Variants in LCOR observed in about 807,000 individuals in gnomAD.
LCOR encodes the protein ligand dependent nuclear receptor corepressor, also known as ligand-dependent corepressor.
Under a neutral mutation model 64.4 loss-of-function variants are expected in LCOR, and 14 were observed. The observed-to-expected ratio is 0.22, with a 90% CI of 0.14 to 0.34. The LOEUF (loss-of-function observed/expected upper bound fraction) is 0.34, where lower values mean the gene tolerates loss of function less well. LCOR is among the 10% of genes least tolerant of loss of function. LCOR has a pLI of 1.00. For synonymous variants in LCOR, 643 were observed against 642.5 expected (o/e 1.00, Z -0.01); for missense variants, 1,686 against 1,765.3 (o/e 0.96, Z 0.80).
At position 96,920,434 on chromosome 10, in the gene LCOR, G is replaced by GTATATATATGTATATATATTCA; in HGVS notation, c.-184+12694_-184+12695insATGTATATATATTCATATATAT. 2.4e-5 allele frequency among the ~76,000 whole-genome samples: 3 copies of GTATATATATGTATATATATTCA among 124,012 alleles called. 1 individual carries two copies. Among genetic ancestry groups the GTATATATATGTATATATATTCA allele is most frequent in the East Asian group, 2.2e-4 (1 of 4,620 alleles). 81.4% of individuals were successfully genotyped at this position (124,012 alleles called of 152,430 possible). On this transcript the variant is annotated intron_variant, in intron 4 of 7. Coordinates refer to ENST00000421806, the MANE Select transcript of LCOR (RefSeq NM_001346516.2). ...TATGTATATATATTCATATATATGT[G>GTATATATATGTATATATATTCA]TATATATGTGTATATATATGTATAT... is the stretch of plus-strand genomic sequence containing the variant.
At chr10:96,956,415 G>A in intron 7 of LCOR, 1 of 985,172 alleles carries the variant, frequency 1.0e-6, no homozygotes, top group Non-Finnish European at 1.2e-6. Flanking sequence ...ACTAATCGAA[G>A]GATTAAACTA....
chr10:96,967,899 G>C (rs1379781580), intron 7 of LCOR, among the ~76,000 whole-genome samples: 2 of 152,058 alleles, frequency 1.3e-5, no homozygotes, highest in Non-Finnish European at 2.9e-5. Flanking sequence ...TAAGGGTCTT[G>C]GGAATCATCA....
intron 2 of LCOR, among the ~76,000 whole-genome samples, chr10:96,845,449 C>CTTTTTT (rs762639752): frequency 6.2e-5 from 3 of 48,686 alleles, no homozygotes; most frequent in Non-Finnish European, 1.1e-4. Flanking sequence ...TGGGCTTATC[C>CTTTTTT]TTTTTTTTTT....
At chr10:96,870,172 G>A (rs1388578277) in intron 2 of LCOR, among the ~76,000 whole-genome samples, 7 of 151,370 alleles carry the variant, frequency 4.6e-5, no homozygotes, top group African/African-American at 1.5e-4. Context: ...ACAGGCGCCC[G>A]CCACCACGCC....
chr10:96,837,269 C>T (rs145954122), intron 2 of LCOR, among the ~76,000 whole-genome samples: 18 of 152,092 alleles, frequency 1.2e-4, no homozygotes, highest in East Asian at 7.8e-4. Flanking sequence ...GGATTACAGG[C>T]ATGAGCCACT....
At chr10:96,922,656 G>C (rs1847100158) in intron 4 of LCOR, among the ~76,000 whole-genome samples, 4 of 152,160 alleles carry the variant, frequency 2.6e-5, no homozygotes, top group Admixed American at 2.6e-4. Flanking sequence ...ATAAAGAAAT[G>C]CTTGCTATTG....
At chr10:96,900,537 AAAG>A (rs960319055) in intron 2 of LCOR, among the ~76,000 whole-genome samples, 1 of 152,108 alleles carries the variant, frequency 6.6e-6, no homozygotes, top group African/African-American at 2.4e-5. Flanking sequence ...AAAAACTAAA[AAAG>A]AAACTGATAG....
At position 96,941,133 on chromosome 10, in the gene LCOR, C is replaced by T. The variant is rs1222819362; in HGVS notation, c.-183-2980C>T. The stretch of plus-strand genomic sequence containing the variant: ...GGGGCTCCTCACTTCCCAGTAGGGG[C>T]GGCCGGGCAGAGGCGCCCCTCACCT... On this transcript the variant is annotated intron_variant, in intron 4 of 7. Coordinates refer to ENST00000421806, the MANE Select transcript of LCOR (RefSeq NM_001346516.2). 3.5e-3 allele frequency among the ~76,000 whole-genome samples: 467 copies of T among 132,012 alleles called. 2 individuals carry two copies. Among genetic ancestry groups the T allele is most frequent in the East Asian group, 0.018 (78 of 4,276 alleles). 86.6% of individuals were successfully genotyped at this position (132,012 alleles called of 152,430 possible). A position where few individuals can be genotyped will look rare whatever the true frequency, so the allele number is the denominator to read the frequency against.
At position 96,859,258 on chromosome 10, in the gene LCOR, G is replaced by T. The variant is rs187716681; in HGVS notation, c.-330+25779G>T. Among the ~76,000 whole-genome samples, 963 of 152,280 alleles carry T rather than the reference G, an allele frequency of 6.3e-3. 7 individuals carry two copies. Among genetic ancestry groups the T allele is most frequent in the Middle Eastern group, 0.017 (5 of 294 alleles). ...GGTCAGTGGCATCTGTTGCCCGGCTGGAGTGCAATGGCACAATCTCGGCTC... is the reference window on the plus strand; with the variant it reads ...GGTCAGTGGCATCTGTTGCCCGGCTTGAGTGCAATGGCACAATCTCGGCTC... On this transcript the variant is annotated intron_variant, in intron 2 of 7. Transcript: ENST00000421806.
chr10:96,965,072 G>A (rs1415426829), intron 7 of LCOR, among the ~76,000 whole-genome samples: 1 of 151,510 alleles, frequency 6.6e-6, no homozygotes. Context: ...GCAGTGGCAC[G>A]ATCTCGGCTC....
At chr10:96,949,404 C>A in intron 6 of LCOR, 109 bp downstream of exon 6, 2 of 971,210 alleles carry the variant, frequency 2.1e-6, no homozygotes, top group Non-Finnish European at 3.1e-6. Context: ...AGCATAAAAA[C>A]TAATGTGATT....
At chr10:96,907,186 CT>C (rs36105185) in intron 2 of LCOR, 78 bp from the exon 3 acceptor site, 55,554 of 378,506 alleles carry the variant, frequency 0.15, 3,068 homozygotes, top group African/African-American at 0.28. Flanking sequence ...AAAACACCAT[CT>C]TTTTTTTTTT....
chr10:96,960,037 C>T (rs928086719), intron 7 of LCOR: 2 of 152,138 alleles, frequency 1.3e-5, no homozygotes, highest in African/African-American at 4.8e-5. Flanking sequence ...TATGTGGGAT[C>T]AGATGGTAAA....
chr10:96,926,689 G>A (rs1352707147), intron 4 of LCOR, among the ~76,000 whole-genome samples: 2 of 152,094 alleles, frequency 1.3e-5, no homozygotes, highest in Non-Finnish European at 2.9e-5. Flanking sequence ...TAAGAAGTTT[G>A]TATGTGCCCT....
At position 96,942,387 on chromosome 10, in the gene LCOR, G is replaced by A. The variant is rs1214878064; in HGVS notation, c.-183-1726G>A. Among the ~76,000 whole-genome samples the A allele has an allele frequency of 5.3e-5, 8 of 152,212 alleles. No homozygotes were observed. In the South Asian group the frequency reaches 1.4e-3, roughly 28 times the overall value. The stretch of plus-strand genomic sequence containing the variant: ...AGGGAGGTTGCAGTGAGCTGAGATG[G>A]CAGCAGTACCGTCCAGCTTTGGCTC... On this transcript the variant is annotated intron_variant, in intron 4 of 7. Coordinates refer to ENST00000421806, the MANE Select transcript of LCOR (RefSeq NM_001346516.2).
rs1437410820 is a variant in LCOR, at chr10:96,992,326, T to C, written c.*7192T>C. On this transcript the variant is annotated 3_prime_UTR_variant, in exon 8 of 8. Coordinates refer to ENST00000421806, the MANE Select transcript of LCOR (RefSeq NM_001346516.2). ...GTTCAGATACTTCTATAGAAAGTAT[T>C]TATTTTAACAAGAAAATTAACTGTC... 6.6e-6 allele frequency: 1 copy of C among 152,268 alleles called. No homozygotes were observed. Among genetic ancestry groups the C allele is most frequent in the Non-Finnish European group, 1.5e-5 (1 of 68,048 alleles). 9.4% of individuals were successfully genotyped at this position (152,268 alleles called of 1,614,324 possible). A position where few individuals can be genotyped will look rare whatever the true frequency, so the allele number is the denominator to read the frequency against.
At chr10:96,849,646 C>T (rs1845692894) in intron 2 of LCOR, among the ~76,000 whole-genome samples, 1 of 152,156 alleles carries the variant, frequency 6.6e-6, no homozygotes, top group African/African-American at 2.4e-5. Flanking sequence ...AATGCAGGTG[C>T]ACAACATACA....
chr10:96,932,078 G>C (rs1258436165), intron 4 of LCOR, among the ~76,000 whole-genome samples: 5 of 152,206 alleles, frequency 3.3e-5, no homozygotes. Context: ...ATAATCTGAA[G>C]AATAAAGCTA....
At chr10:96,841,198 G>A (rs1397383170) in intron 2 of LCOR, among the ~76,000 whole-genome samples, 1 of 152,118 alleles carries the variant, frequency 6.6e-6, no homozygotes, top group East Asian at 1.9e-4. Context: ...GGATTACTTA[G>A]AAACATATAG....
Sources: gnomAD v4.1 joint callset for allele counts (sites outside exome capture counted in the v4.1 genomes callset) on GRCh38, gnomAD v4.1.1 for gene constraint, MANE v1.5 for transcripts, NCBI Gene and HGNC (gene_info 2026-07-23, HGNC 2026-07-21) for gene names.